EPHA10: variants seen among roughly 807,000 people sequenced by gnomAD.
EPHA10 encodes ephrin type-A receptor 10.
A neutral mutation model predicts 109.7 loss-of-function variants in EPHA10; 120 were observed. That is an observed-to-expected ratio of 1.09 (90% confidence interval 0.94 to 1.27). The LOEUF (loss-of-function observed/expected upper bound fraction) is 1.27, where lower values mean the gene tolerates loss of function less well. EPHA10 is among the 50% of genes most tolerant of loss of function. The probability of loss-of-function intolerance (pLI) is 0.00; values close to 1 mark genes in which losing one functional copy is unlikely to be tolerated. For synonymous variants in EPHA10, 640 were observed against 618.9 expected (o/e 1.03, Z -0.51); for missense variants, 1,396 against 1,411.1 (o/e 0.99, Z 0.17).
Position 37,727,176 on chromosome 1 carries a change from A to T in EPHA10, c.1698T>A (p.Ile566=). The change falls in exon 8 of 17, where the codon ATT becomes ATA. Residue 566 remains isoleucine (I), a synonymous_variant. Coordinates refer to ENST00000373048, the MANE Select transcript of EPHA10 (RefSeq NM_001099439.2). ...CCGAGATGGTCACTACGGTGACGAC[A>T]ATGGCGGGGCTCTGGTCCCTGGACC... ...ASGSRDQSPA[I]VVTVVTISAL... 1 of 1,611,944 alleles carries T rather than the reference A, an allele frequency of 6.2e-7. No individual in the cohort carries two copies. The highest frequency in any genetic ancestry group is 1.3e-5 in the African/African-American group (1 of 74,938).
chr1:37,751,483 C>A (rs1422302232), intron 5 of EPHA10, among the ~76,000 whole-genome samples: 7 of 150,424 alleles, frequency 4.7e-5, no homozygotes, highest in Non-Finnish European at 1.5e-5. Flanking sequence ...GCAGGAGAAT[C>A]ACTTGAACCC....
At chr1:37,715,744 A>T (rs1446087299), downstream of EPHA10, 1 of 378,910 alleles carries the variant, frequency 2.6e-6, no homozygotes, top group Non-Finnish European at 5.1e-6. Flanking sequence ...AGACTGGGTA[A>T]CAGACTTCTC....
Position 37,721,727 on chromosome 1 carries a change from G to T in EPHA10, c.2079C>A (p.Ala693=), listed in dbSNP as rs113277593. 2 of 1,612,380 alleles carry T rather than the reference G, an allele frequency of 1.2e-6. No individual in the cohort carries two copies. The highest frequency in any genetic ancestry group is 2.7e-5 in the African/African-American group (2 of 75,014). The change falls in exon 11 of 17, where the codon GCC becomes GCA. Residue 693 remains alanine (A), a synonymous_variant. Coordinates refer to ENST00000373048, the MANE Select transcript of EPHA10 (RefSeq NM_001099439.2). The part of the protein sequence containing the change: ...ASDSQRLGFL[A]EALTLGQFDH... Reference sequence around the variant, plus strand: ...CAAACTGGCCCAGCGTGAGGGCCTCGGCCAGGAAGCCGAGCCTCTGTGAGT... The same window carrying T: ...CAAACTGGCCCAGCGTGAGGGCCTCTGCCAGGAAGCCGAGCCTCTGTGAGT...
intron 8 of EPHA10, 98 bp from the exon 9 acceptor site, chr1:37,723,470 A>G (rs1010805): frequency 1.5e-6 from 2 of 1,372,092 alleles, no homozygotes; most frequent in South Asian, 2.7e-5. Flanking sequence ...TTCAAAAGAC[A>G]AGGCCTGTGC....
chr1:37,730,776 C>T (rs185688109), intron 7 of EPHA10, among the ~76,000 whole-genome samples: 4 of 152,218 alleles, frequency 2.6e-5, no homozygotes, highest in Admixed American at 2.0e-4. Flanking sequence ...ACTGCAACCT[C>T]TGCCTCCCGG....
In EPHA10 at chr1:37,723,413, C is replaced by G. The variant is rs745447858; in HGVS notation, c.1773-41G>C. ...GGGTCATTCTTTCAGCCAGGCCACC[C>G]CGGCCCTTCCCATTACAGAGCACTG... On this transcript the variant is annotated intron_variant, in intron 8 of 16. Transcript: ENST00000373048. 4.4e-6 allele frequency: 7 copies of G among 1,607,584 alleles called. No homozygotes were observed. In the South Asian group the frequency reaches 7.8e-5, roughly 18 times the overall value.
At chr1:37,732,479 C>T (rs1466155383) in intron 6 of EPHA10, among the ~76,000 whole-genome samples, 1 of 152,208 alleles carries the variant, frequency 6.6e-6, no homozygotes, top group African/African-American at 2.4e-5. Flanking sequence ...TCGGTGGCTC[C>T]AGCTTTCTGA....
intron 8 of EPHA10, among the ~76,000 whole-genome samples, chr1:37,726,739 C>T (rs185120597): frequency 1.2e-4 from 19 of 152,328 alleles, no homozygotes; most frequent in African/African-American, 2.2e-4. Flanking sequence ...TTCCTGTGTT[C>T]GAGGGCCTCA....
In EPHA10 at chr1:37,719,584, G is replaced by A. The variant is rs1409187211; in HGVS notation, c.2586C>T (p.Gly862=). The A allele has an allele frequency of 3.7e-6, 6 of 1,613,594 alleles. No homozygotes were observed. Among genetic ancestry groups the A allele is most frequent in the Non-Finnish European group, 5.1e-6 (6 of 1,180,020 alleles). ...GQDVIKAVED[G]FRLPPPRNCP... is the part of the protein sequence containing the mutation. ...AGTTCCTGGGGGGTGGCAGCCGGAA[G>A]CCATCCTCCACAGCCTTGATCACCT... The change falls in exon 15 of 17, where the codon GGC becomes GGT. Residue 862 remains glycine, a synonymous_variant. Transcript: ENST00000373048.
chr1:37,731,068 G>A (rs148911040), intron 7 of EPHA10, among the ~76,000 whole-genome samples: 2 of 152,198 alleles, frequency 1.3e-5, no homozygotes, highest in East Asian at 1.9e-4. Flanking sequence ...TCAGCATCAC[G>A]CTCTAAGGCC....
At chr1:37,714,298 A>G (rs576137357), downstream of EPHA10, among the ~76,000 whole-genome samples, 22 of 152,346 alleles carry the variant, frequency 1.4e-4, no homozygotes, top group Admixed American at 3.9e-4. Flanking sequence ...TAGCAAGCCA[A>G]CTGAGACATG....
chr1:37,714,149 AG>A (rs1161885654), downstream of EPHA10: 2 of 152,198 alleles, frequency 1.3e-5, no homozygotes, highest in African/African-American at 4.8e-5. Flanking sequence ...CAGTGGGGGA[AG>A]GGGTCTTATT....
At chr1:37,719,116 C>T (rs1645742143) in intron 15 of EPHA10, 1 of 590,408 alleles carries the variant, frequency 1.7e-6, no homozygotes, top group Non-Finnish European at 3.0e-6. Context: ...ATATTAATTT[C>T]ACATATTTGA....
intron 4 of EPHA10, among the ~76,000 whole-genome samples, chr1:37,753,635 GC>G (rs1273463337): frequency 6.8e-6 from 1 of 148,012 alleles, no homozygotes; most frequent in Non-Finnish European, 1.5e-5. Flanking sequence ...GGGCGGATGA[GC>G]CCGGGGCAAG....
intron 4 of EPHA10, 47 bp from the exon 5 acceptor site, chr1:37,753,273 C>T (rs183108953): frequency 0.018 from 3,251 of 184,044 alleles, 91 homozygotes; most frequent in African/African-American, 0.13. Context: ...CGTGGGTGCC[C>T]GTGAGAGGGG....
At chr1:37,739,226 A>G (rs757485282) in intron 5 of EPHA10, among the ~76,000 whole-genome samples, 1 of 152,224 alleles carries the variant, frequency 6.6e-6, no homozygotes, top group Non-Finnish European at 1.5e-5. Context: ...TAGTCCTTAA[A>G]AAGAAGAAAA....
At chr1:37,759,149 T>A (rs913600423) in intron 3 of EPHA10, among the ~76,000 whole-genome samples, 1 of 152,184 alleles carries the variant, frequency 6.6e-6, no homozygotes, top group Non-Finnish European at 1.5e-5. Flanking sequence ...TTGAGTGATA[T>A]TTTGAAAATA....
chr1:37,723,408 C>T (rs1394718303), intron 8 of EPHA10, 36 bp from the exon 9 acceptor site: 2 of 1,609,174 alleles, frequency 1.2e-6, no homozygotes, highest in Non-Finnish European at 1.7e-6. Flanking sequence ...TTCAGCCAGG[C>T]CACCCCGGCC....
intron 3 of EPHA10, chr1:37,761,085 AT>A (rs111733664): frequency 0.37 from 266,115 of 728,880 alleles, 31,184 homozygotes; most frequent in East Asian, 0.53. Flanking sequence ...GAGACTCCTT[AT>A]TTTAAAAAAA....
Sources: gnomAD v4.1 joint callset for allele counts (sites outside exome capture counted in the v4.1 genomes callset) on GRCh38, gnomAD v4.1.1 for gene constraint, MANE v1.5 for transcripts, NCBI Gene and HGNC (gene_info 2026-07-23, HGNC 2026-07-21) for gene names.